Variants in CMTM4 observed in about 807,000 individuals in gnomAD.
The protein encoded by CMTM4 is CKLF like MARVEL transmembrane domain containing 4.
In CMTM4, 8 loss-of-function variants were observed where a neutral mutation model predicts 19.0. The ratio of observed to expected loss-of-function variants is 0.42; its 90% CI spans 0.25 to 0.76. The LOEUF (loss-of-function observed/expected upper bound fraction) is 0.76. CMTM4 is among the 30% of genes least tolerant of loss of function. The pLI is 0.27. For missense variants in CMTM4, 228 were observed against 290.2 expected (o/e 0.79, Z 1.56); for synonymous variants, 106 against 121.1 (o/e 0.88, Z 0.82).
intron 1 of CMTM4, among the ~76,000 whole-genome samples, chr16:66,638,027 G>T (rs568329623): frequency 2.0e-5 from 3 of 152,308 alleles, no homozygotes; most frequent in South Asian, 4.1e-4. Context: ...TCCACCTGCT[G>T]AAAGTCCTAC....
At chr16:66,689,174 G>A (rs2017091269) in intron 1 of CMTM4, among the ~76,000 whole-genome samples, 2 of 152,058 alleles carry the variant, frequency 1.3e-5, no homozygotes, top group Admixed American at 6.6e-5. Flanking sequence ...GAATATGAGT[G>A]GTAACAGTAA....
At chr16:66,676,511 G>C (rs549880156) in intron 1 of CMTM4, among the ~76,000 whole-genome samples, 2 of 152,124 alleles carry the variant, frequency 1.3e-5, no homozygotes, top group Admixed American at 1.3e-4. Context: ...GTAGCTACAG[G>C]AAAGTCCCAA....
At chr16:66,640,510 G>A (rs533794150) in intron 1 of CMTM4, among the ~76,000 whole-genome samples, 1 of 152,208 alleles carries the variant, frequency 6.6e-6, no homozygotes, top group Admixed American at 6.5e-5. Context: ...AAGAGCGCTT[G>A]GGTGCAGTGA....
intron 2 of CMTM4, among the ~76,000 whole-genome samples, chr16:66,625,152 A>G (rs370312048): frequency 1.3e-5 from 2 of 152,170 alleles, no homozygotes; most frequent in African/African-American, 4.8e-5. Context: ...GAAAACAAAC[A>G]GGCCGGGCAC....
intron 2 of CMTM4, among the ~76,000 whole-genome samples, chr16:66,630,625 C>G (rs913104193): frequency 6.6e-6 from 1 of 152,074 alleles, no homozygotes; most frequent in Non-Finnish European, 1.5e-5. Flanking sequence ...CAGACGGAGT[C>G]TCGTTCACTC....
intron 1 of CMTM4, among the ~76,000 whole-genome samples, chr16:66,689,649 C>T (rs1596967442): frequency 6.6e-6 from 1 of 152,180 alleles, no homozygotes; most frequent in South Asian, 2.1e-4. Flanking sequence ...TCAAGCAATC[C>T]ACCTGCCTCG....
chr16:66,609,717 A>G, the CMTM4 span: 12 of 1,554,218 alleles, frequency 7.7e-6, no homozygotes, highest in African/African-American at 1.4e-5. The surrounding 1 kb of genome is among the most constrained non-coding windows in gnomAD (Gnocchi z 4.4). Context: ...CTGTTTGTCA[A>G]ACCAAGTTCA....
At chr16:66,601,779 G>A in the CMTM4 span, among the ~76,000 whole-genome samples, 1 of 152,256 alleles carries the variant, frequency 6.6e-6, no homozygotes, top group Non-Finnish European at 1.5e-5. Flanking sequence ...GAGCCTGGGA[G>A]GGCAGGTGGG....
chr16:66,679,823 CAAAAAA>C (rs748044272), intron 1 of CMTM4, among the ~76,000 whole-genome samples: 1 of 64,056 alleles, frequency 1.6e-5, no homozygotes. Flanking sequence ...GACTCTATGT[CAAAAAA>C]AAAAAAAAAA....
chr16:66,635,280 C>T (rs951171294), intron 2 of CMTM4, among the ~76,000 whole-genome samples: 1 of 152,232 alleles, frequency 6.6e-6, no homozygotes, highest in African/African-American at 2.4e-5. Flanking sequence ...AATACCACCA[C>T]ATTTTTCTCA....
At chr16:66,672,344 G>A (rs546319882) in intron 1 of CMTM4, among the ~76,000 whole-genome samples, 1 of 147,620 alleles carries the variant, frequency 6.8e-6, no homozygotes, top group South Asian at 2.2e-4. Flanking sequence ...GACGGAGGTT[G>A]CAATAAGCCG....
rs892168498 is a variant in CMTM4, at chr16:66,618,803, A to C, written c.*3255T>G. 8.4e-5 allele frequency: 83 copies of C among 985,354 alleles called. No individual in the cohort carries two copies. Among genetic ancestry groups the C allele is most frequent in the Non-Finnish European group, 9.8e-5 (81 of 829,954 alleles). The allele number at this position is 985,354 out of a possible 1,614,324, so 61.0% of individuals were successfully genotyped here. A position where few individuals can be genotyped will look rare whatever the true frequency, so the allele number is the denominator to read the frequency against. On this transcript the variant is annotated 3_prime_UTR_variant, in exon 4 of 4. Coordinates refer to ENST00000394106, the MANE Select transcript of CMTM4 (RefSeq NM_181521.3). ...CCCAGAAGCACCCGACATAGGGTGGAGGTCAGACACATTCCCTGGCTGCCC... is the reference window on the plus strand; with the variant it reads ...CCCAGAAGCACCCGACATAGGGTGGCGGTCAGACACATTCCCTGGCTGCCC...
the CMTM4 span, chr16:66,604,942 T>C: frequency 1.3e-6 from 2 of 1,503,804 alleles, no homozygotes; most frequent in Non-Finnish European, 1.8e-6. Context: ...CGCCTCCTGC[T>C]GGCCGAGTCG....
chr16:66,626,684 T>G (rs2144789858), intron 2 of CMTM4, among the ~76,000 whole-genome samples: 1 of 149,448 alleles, frequency 6.7e-6, no homozygotes, highest in Middle Eastern at 3.5e-3. Flanking sequence ...GCAGAAGAAC[T>G]GCGTGAATCC....
chr16:66,609,930 G>C (rs779794941), downstream of CMTM4: 20 of 1,614,030 alleles, frequency 1.2e-5, no homozygotes, highest in Admixed American at 2.0e-4. The surrounding 1 kb of genome is among the most constrained non-coding windows in gnomAD (Gnocchi z 4.4). Flanking sequence ...ATTTCTACCT[G>C]ATCTTTAACG....
chr16:66,687,623 T>C (rs545385093), intron 1 of CMTM4, among the ~76,000 whole-genome samples: 170 of 152,166 alleles, frequency 1.1e-3, no homozygotes, highest in Non-Finnish European at 2.1e-3. Flanking sequence ...AGATATTCTG[T>C]ATCACTATCA....
In CMTM4 at chr16:66,636,542, T is replaced by C. The variant is rs1183161538; in HGVS notation, c.226A>G (p.Met76Val). The change falls in exon 2 of 4, where the codon ATG (methionine) becomes GTG (valine). Residue 76 changes from methionine to valine, a missense_variant. Coordinates refer to ENST00000394106, the MANE Select transcript of CMTM4 (RefSeq NM_181521.3). ...AGGCCTTCACACGGGGAGCATGCCA[T>C]GATGGTCTCTATGCAGATGAATGCA... ...LIAFICIETI[M>V]ACSPCEGLYF... The C allele has an allele frequency of 1.9e-6, 3 of 1,614,072 alleles. No homozygotes were observed. The highest frequency in any genetic ancestry group is 2.5e-6 in the Non-Finnish European group (3 of 1,180,024).
At chr16:66,609,891 C>T (rs370946819), downstream of CMTM4, 29 of 1,614,068 alleles carry the variant, frequency 1.8e-5, no homozygotes, top group East Asian at 2.2e-5. The surrounding 1 kb of genome is among the most constrained non-coding windows in gnomAD (Gnocchi z 4.4). Context: ...AGGTGTTTGG[C>T]TTCTTTGCTA....
Position 66,696,373 on chromosome 16 carries a change from G to C in CMTM4, c.153C>G (p.Arg51=), listed in dbSNP as rs2017236443. ...CGACCTTGAGGCGGCCGAGCGCGCC[G>C]CGCAGGTAGTCGGGGTCGCAGCGCA... is the stretch of plus-strand genomic sequence containing the variant. The part of the protein sequence containing the change: ...AGLRCDPDYL[R]GALGRLKVAQ... Residue 51 remains arginine, a synonymous_variant, in exon 1 of 4, where the codon CGC becomes CGG. Coordinates refer to ENST00000394106, the MANE Select transcript of CMTM4 (RefSeq NM_181521.3). This position sits in a 1 kb window ranked among gnomAD's most constrained non-coding sequence, Gnocchi z 4.3. 7.0e-7 allele frequency: 1 copy of C among 1,425,992 alleles called. No individual in the cohort carries two copies. The highest frequency in any genetic ancestry group is 1.5e-5 in the African/African-American group (1 of 66,798). 88.3% of individuals were successfully genotyped at this position (1,425,992 alleles called of 1,614,324 possible).
Sources: allele counts gnomAD v4.1 joint callset (sites outside exome capture counted in the v4.1 genomes callset), GRCh38; gene constraint gnomAD v4.1.1; non-coding constraint Gnocchi (gnomAD v3.1); transcripts MANE v1.5; gene names NCBI Gene and HGNC (gene_info 2026-07-23, HGNC 2026-07-21).